GRM7: variants seen among roughly 807,000 people sequenced by gnomAD.
GRM7 encodes glutamate metabotropic receptor 7.
Under a neutral mutation model 84.5 loss-of-function variants are expected in GRM7, and 35 were observed. The observed-to-expected ratio is 0.41, with a 90% CI of 0.32 to 0.55. GRM7 has a LOEUF of 0.55. GRM7 is among the 20% of genes least tolerant of loss of function. The pLI is 0.19. For synonymous variants in GRM7, 487 were observed against 455.1 expected (o/e 1.07, Z -0.89); for missense variants, 1,003 against 1,194.6 (o/e 0.84, Z 2.36).
chr3:7,572,557 C>T (rs188408003), intron 7 of GRM7, among the ~76,000 whole-genome samples: 4 of 151,904 alleles, frequency 2.6e-5, no homozygotes, highest in African/African-American at 4.8e-5. Flanking sequence ...CAGTGGCTCA[C>T]GCCTGTAATC....
chr3:7,038,898 C>T (rs1696486310), intron 1 of GRM7, among the ~76,000 whole-genome samples: 1 of 152,036 alleles, frequency 6.6e-6, no homozygotes, highest in African/African-American at 2.4e-5. Context: ...AACCTTTATG[C>T]CGATAGGTTT....
chr3:7,245,371 A>G (rs1697719814), intron 2 of GRM7, among the ~76,000 whole-genome samples: 1 of 152,030 alleles, frequency 6.6e-6, no homozygotes, highest in Non-Finnish European at 1.5e-5. Context: ...AACTAGGGGA[A>G]ATCTATGAAA....
At chr3:7,379,998 G>A (rs1694520445) in intron 4 of GRM7, among the ~76,000 whole-genome samples, 4 of 152,108 alleles carry the variant, frequency 2.6e-5, no homozygotes, top group Admixed American at 1.3e-4. Context: ...CCTGTAGCAA[G>A]GTAACTTGGA....
chr3:7,628,415 C>T (rs1205916396), intron 8 of GRM7, among the ~76,000 whole-genome samples: 2 of 152,128 alleles, frequency 1.3e-5, no homozygotes, highest in Non-Finnish European at 2.9e-5. Flanking sequence ...ATTTACTTAG[C>T]AATCATTGCA....
chr3:6,916,136 T>G (rs1406953788), intron 1 of GRM7, among the ~76,000 whole-genome samples: 3 of 152,170 alleles, frequency 2.0e-5, no homozygotes, highest in Non-Finnish European at 2.9e-5. Flanking sequence ...TTCAGCAAAT[T>G]TCCTGAAGGC....
At chr3:6,917,617 G>A (rs797011294) in intron 1 of GRM7, among the ~76,000 whole-genome samples, 24 of 151,236 alleles carry the variant, frequency 1.6e-4, no homozygotes, top group African/African-American at 5.8e-4. Flanking sequence ...TTTGTGGCTT[G>A]GGCTAAAGCA....
At chr3:7,267,303 G>C (rs571109570) in intron 2 of GRM7, among the ~76,000 whole-genome samples, 2 of 152,288 alleles carry the variant, frequency 1.3e-5, no homozygotes, top group African/African-American at 4.8e-5. Flanking sequence ...ATGTGAACAA[G>C]GATCTCCAAT....
intron 8 of GRM7, among the ~76,000 whole-genome samples, chr3:7,606,615 C>G (rs1696587002): frequency 6.6e-6 from 1 of 152,126 alleles, no homozygotes; most frequent in African/African-American, 2.4e-5. Flanking sequence ...CTCACTGCAA[C>G]CTCTGCCTCC....
At chr3:7,268,617 G>C (rs1266386892) in intron 2 of GRM7, among the ~76,000 whole-genome samples, 1 of 152,136 alleles carries the variant, frequency 6.6e-6, no homozygotes, top group Non-Finnish European at 1.5e-5. Flanking sequence ...CTGATGAGCT[G>C]AGCAGAGAAG....
intron 1 of GRM7, among the ~76,000 whole-genome samples, chr3:7,128,938 G>C (rs1188167201): frequency 6.6e-6 from 1 of 152,112 alleles, no homozygotes; most frequent in East Asian, 1.9e-4. Context: ...AGCTGAAGTT[G>C]GGAGAAAATG....
chr3:6,911,241 A>G (rs17046324), intron 1 of GRM7, among the ~76,000 whole-genome samples: 12,613 of 152,140 alleles, frequency 0.083, 813 homozygotes, highest in East Asian at 0.2. Context: ...TACTATTATT[A>G]AATTCTCCCT....
At chr3:6,961,373 C>G (rs1302712477) in intron 1 of GRM7, among the ~76,000 whole-genome samples, 1 of 152,158 alleles carries the variant, frequency 6.6e-6, no homozygotes, top group Non-Finnish European at 1.5e-5. Flanking sequence ...ATACCTTCAA[C>G]TCCTTTGCCT....
chr3:7,741,435 A>G lies in GRM7; in HGVS notation c.*1029A>G, dbSNP rs1264267367. 6.6e-6 allele frequency: 1 copy of G among 152,618 alleles called. No individual in the cohort carries two copies. Among genetic ancestry groups the G allele is most frequent in the East Asian group, 1.9e-4 (1 of 5,188 alleles). 9.5% of individuals were successfully genotyped at this position (152,618 alleles called of 1,614,324 possible). ...TGCTTATGTGCCAATTTAGTGGAAA[A>G]AAACAACCCTTGCTGAAAAATTCCC... On this transcript the variant is annotated 3_prime_UTR_variant, in exon 10 of 10. Coordinates refer to ENST00000357716, the MANE Select transcript of GRM7 (RefSeq NM_000844.4).
chr3:7,614,191 T>A (rs1247277355), intron 8 of GRM7, among the ~76,000 whole-genome samples: 1 of 152,080 alleles, frequency 6.6e-6, no homozygotes, highest in Non-Finnish European at 1.5e-5. Flanking sequence ...CTTGAACCCG[T>A]GAGGCAGAGG....
chr3:6,920,523 T>A (rs1697088521), intron 1 of GRM7, among the ~76,000 whole-genome samples: 1 of 150,552 alleles, frequency 6.6e-6, no homozygotes, highest in African/African-American at 2.5e-5. Context: ...GCCACTGCAC[T>A]GCAGCCTGGG....
At chr3:6,927,455 A>AAGAGAG (rs141330905) in intron 1 of GRM7, among the ~76,000 whole-genome samples, 10 of 101,684 alleles carry the variant, frequency 9.8e-5, no homozygotes, top group African/African-American at 3.6e-4. Flanking sequence ...AGAAGAAAGA[A>AAGAGAG]AGAGAGAGAG....
chr3:7,076,427 T>G (rs747291948), intron 1 of GRM7, among the ~76,000 whole-genome samples: 9 of 152,054 alleles, frequency 5.9e-5, no homozygotes, highest in Non-Finnish European at 1.2e-4. Flanking sequence ...CTCAGAAGAT[T>G]TAATGTGTTT....
intron 2 of GRM7, among the ~76,000 whole-genome samples, chr3:7,183,780 G>A (rs1695423839): frequency 6.6e-6 from 1 of 152,066 alleles, no homozygotes; most frequent in South Asian, 2.1e-4. Context: ...TATTAACAAA[G>A]CAGACGATCA....
chr3:7,313,975 A>C (rs1427093198), intron 4 of GRM7, among the ~76,000 whole-genome samples: 1 of 152,210 alleles, frequency 6.6e-6, no homozygotes, highest in East Asian at 1.9e-4. Flanking sequence ...TGTTGAAATT[A>C]GAAATGTATA....
Sources: gnomAD v4.1 joint callset for allele counts (sites outside exome capture counted in the v4.1 genomes callset) on GRCh38, gnomAD v4.1.1 for gene constraint, MANE v1.5 for transcripts, NCBI Gene and HGNC (gene_info 2026-07-23, HGNC 2026-07-21) for gene names.